ARHGAP32: variants seen among roughly 807,000 people sequenced by gnomAD.
The protein encoded by ARHGAP32 is rho GTPase-activating protein 32.
Under a neutral mutation model 186.5 loss-of-function variants are expected in ARHGAP32, and 51 were observed. That is an observed-to-expected ratio of 0.27 (90% CI 0.22 to 0.35). The LOEUF is 0.35. ARHGAP32 is among the 10% of genes least tolerant of loss of function. ARHGAP32 has a pLI of 1.00. For missense variants in ARHGAP32, 2,186 were observed against 2,623.5 expected, an observed-to-expected ratio of 0.83 and a Z score of 3.64; for synonymous variants, 950 against 964.3, an observed-to-expected ratio of 0.99 and a Z score of 0.27.
chr11:128,986,117 G>A, intron 14 of ARHGAP32, 32 bp from the exon 15 acceptor site: 1 of 1,505,856 alleles, frequency 6.6e-7, no homozygotes, highest in Non-Finnish European at 9.1e-7. Flanking sequence ...ATAAACTAGT[G>A]AGCTCTGTTA....
chr11:129,009,862 T>C (rs574647763), intron 11 of ARHGAP32, among the ~76,000 whole-genome samples: 2 of 152,354 alleles, frequency 1.3e-5, no homozygotes, highest in African/African-American at 2.4e-5. Flanking sequence ...TCAAATAGTA[T>C]TTCTGCTTCC....
At chr11:129,082,830 CA>C (rs1315600740) in intron 6 of ARHGAP32, among the ~76,000 whole-genome samples, 3 of 151,974 alleles carry the variant, frequency 2.0e-5, no homozygotes, top group African/African-American at 7.2e-5. Context: ...ATGCATCAGA[CA>C]AAGGACTGAT....
intron 6 of ARHGAP32, among the ~76,000 whole-genome samples, chr11:129,080,067 T>G (rs1327668885): frequency 6.6e-6 from 1 of 152,138 alleles, no homozygotes; most frequent in Non-Finnish European, 1.5e-5. Flanking sequence ...ATCCTAAATA[T>G]ATATGCACCT....
chr11:129,004,245 CTTTTTTT>C (rs71057919), intron 11 of ARHGAP32, among the ~76,000 whole-genome samples: 3 of 116,384 alleles, frequency 2.6e-5, no homozygotes, highest in East Asian at 2.4e-4. Flanking sequence ...CAATGCTTTC[CTTTTTTT>C]TTTTTTTTTT....
chr11:129,112,017 C>T (rs917233748), intron 5 of ARHGAP32, among the ~76,000 whole-genome samples: 2 of 152,112 alleles, frequency 1.3e-5, no homozygotes, highest in African/African-American at 4.8e-5. Flanking sequence ...CCTGCCTCGG[C>T]CTCCCACCTG....
chr11:129,020,764 T>C (rs1938558494), intron 11 of ARHGAP32, among the ~76,000 whole-genome samples: 1 of 152,074 alleles, frequency 6.6e-6, no homozygotes, highest in Non-Finnish European at 1.5e-5. Context: ...TCCCCACTCC[T>C]ATCCCAAGTA....
chr11:129,127,060 T>C (rs1419426897), intron 2 of ARHGAP32, among the ~76,000 whole-genome samples: 1 of 152,196 alleles, frequency 6.6e-6, no homozygotes, highest in African/African-American at 2.4e-5. Flanking sequence ...CTTTATTTGG[T>C]AGACTGGAAA....
chr11:129,028,510 A>C (rs1036496074), intron 11 of ARHGAP32, among the ~76,000 whole-genome samples: 2 of 152,212 alleles, frequency 1.3e-5, no homozygotes, highest in Non-Finnish European at 2.9e-5. Context: ...GGGAGGATTC[A>C]CCCAAATATT....
intron 11 of ARHGAP32, among the ~76,000 whole-genome samples, chr11:129,037,672 A>G (rs1483894083): frequency 2.6e-5 from 4 of 151,934 alleles, no homozygotes; most frequent in Non-Finnish European, 5.9e-5. Context: ...TTCTAAAGCC[A>G]TAAGGAATTA....
chr11:129,162,003 G>A (rs149582113), intron 2 of ARHGAP32, among the ~76,000 whole-genome samples: 131 of 152,282 alleles, frequency 8.6e-4, no homozygotes, highest in African/African-American at 3.0e-3. Context: ...GCAGGGACAT[G>A]GATGATGCTA....
chr11:129,024,495 G>C (rs550310682), intron 11 of ARHGAP32, among the ~76,000 whole-genome samples: 208 of 152,274 alleles, frequency 1.4e-3, no homozygotes, highest in East Asian at 1.5e-3. Flanking sequence ...TAAAACAACA[G>C]GATAGGCTGA....
intron 1 of ARHGAP32, among the ~76,000 whole-genome samples, chr11:129,199,710 G>A (rs1013225082): frequency 7.2e-5 from 11 of 152,214 alleles, no homozygotes; most frequent in Non-Finnish European, 5.9e-5. Context: ...AGGAAAATGT[G>A]GGGTTGAAGC....
chr11:129,079,496 C>A (rs1231816171), intron 6 of ARHGAP32, among the ~76,000 whole-genome samples: 1 of 152,076 alleles, frequency 6.6e-6, no homozygotes, highest in Non-Finnish European at 1.5e-5. Context: ...TCCAGAAAAA[C>A]TAAGCTTCGT....
At chr11:128,992,426 T>TCACCAC (rs111702287) in intron 12 of ARHGAP32, among the ~76,000 whole-genome samples, 27 of 151,412 alleles carry the variant, frequency 1.8e-4, no homozygotes, top group Admixed American at 3.3e-4. Flanking sequence ...TAACGTCACA[T>TCACCAC]CACCACCACC....
At chr11:129,140,483 A>G (rs1458312205) in intron 2 of ARHGAP32, among the ~76,000 whole-genome samples, 1 of 152,144 alleles carries the variant, frequency 6.6e-6, no homozygotes, top group East Asian at 1.9e-4. Context: ...AACATCTAAG[A>G]CCTTAGGAAT....
chr11:129,189,212 T>C (rs1342548588), intron 1 of ARHGAP32, among the ~76,000 whole-genome samples: 1 of 152,174 alleles, frequency 6.6e-6, no homozygotes, highest in South Asian at 2.1e-4. Context: ...CCAAAAATCT[T>C]TCATTAAAGT....
At chr11:129,099,899 G>A (rs925824842) in intron 5 of ARHGAP32, among the ~76,000 whole-genome samples, 6 of 152,060 alleles carry the variant, frequency 3.9e-5, no homozygotes, top group African/African-American at 1.4e-4. Flanking sequence ...TAGGCTGAAG[G>A]GGGAGAAAGC....
chr11:129,140,612 T>C (rs541066674), intron 2 of ARHGAP32, among the ~76,000 whole-genome samples: 61 of 152,272 alleles, frequency 4.0e-4, no homozygotes, highest in South Asian at 4.1e-4. Context: ...CAGGACCCCA[T>C]TGAATGCAAT....
At chr11:129,168,384 G>A (rs1321705825) in intron 1 of ARHGAP32, among the ~76,000 whole-genome samples, 3 of 152,156 alleles carry the variant, frequency 2.0e-5, no homozygotes, top group Admixed American at 2.0e-4. Context: ...TATTACATCA[G>A]GCAAAGTAGA....
Sources: allele counts gnomAD v4.1 joint callset (sites outside exome capture counted in the v4.1 genomes callset), GRCh38; gene constraint gnomAD v4.1.1; transcripts MANE v1.5; gene names NCBI Gene and HGNC (gene_info 2026-07-23, HGNC 2026-07-21).